The following GPC6 variants were observed in gnomAD, a reference collection of about 807,000 sequenced individuals.
GPC6 encodes the protein glypican 6.
In GPC6, 14 loss-of-function variants were observed where a neutral mutation model predicts 55.2. That is an observed-to-expected ratio of 0.25 (90% CI 0.17 to 0.40). The LOEUF (loss-of-function observed/expected upper bound fraction) is 0.40, where lower values mean the gene tolerates loss of function less well. Ranked by LOEUF, GPC6 falls within the 10% of genes least tolerant of loss-of-function variation. The probability of loss-of-function intolerance (pLI) is 1.00; values close to 1 mark genes in which losing one functional copy is unlikely to be tolerated. For synonymous variants in GPC6, 278 were observed against 259.6 expected (o/e 1.07, Z -0.68); for missense variants, 641 against 708.5 (o/e 0.90, Z 1.08).
chr13:94,294,626 T>C (rs2139096839), intron 5 of GPC6, among the ~76,000 whole-genome samples: 1 of 152,008 alleles, frequency 6.6e-6, no homozygotes, highest in South Asian at 2.1e-4. Flanking sequence ...TTTTCCAGCA[T>C]CCAGATCTTT....
At chr13:93,489,360 T>C (rs931212645) in intron 1 of GPC6, among the ~76,000 whole-genome samples, 9 of 151,478 alleles carry the variant, frequency 5.9e-5, no homozygotes, top group Non-Finnish European at 1.0e-4. Context: ...ACCATGCTGT[T>C]TTGGTTACTG....
intron 3 of GPC6, among the ~76,000 whole-genome samples, chr13:93,977,682 C>G (rs923595100): frequency 6.6e-6 from 1 of 152,080 alleles, no homozygotes; most frequent in African/African-American, 2.4e-5. Flanking sequence ...AAATTCATGG[C>G]TAGACATATG....
intron 3 of GPC6, among the ~76,000 whole-genome samples, chr13:93,898,174 A>G (rs1158942678): frequency 6.6e-6 from 1 of 152,126 alleles, no homozygotes; most frequent in African/African-American, 2.4e-5. Flanking sequence ...TGGTCATATT[A>G]ATGGTCCTAA....
intron 4 of GPC6, among the ~76,000 whole-genome samples, chr13:94,265,186 A>T (rs1439024149): frequency 1.3e-5 from 2 of 152,204 alleles, no homozygotes. Context: ...AAGGGAGTGT[A>T]TTAGGGTTCT....
chr13:94,389,560 T>C (rs1880555244), intron 7 of GPC6, among the ~76,000 whole-genome samples: 1 of 152,164 alleles, frequency 6.6e-6, no homozygotes, highest in Non-Finnish European at 1.5e-5. Flanking sequence ...AACATAGCCA[T>C]GTTAAACTGC....
chr13:94,121,997 G>A (rs906601669), intron 4 of GPC6, among the ~76,000 whole-genome samples: 23 of 151,974 alleles, frequency 1.5e-4, no homozygotes, highest in African/African-American at 5.3e-4. Flanking sequence ...AAGAGTCTTG[G>A]TGCTACCGTT....
chr13:94,329,794 C>G (rs1349459435), intron 6 of GPC6, among the ~76,000 whole-genome samples: 2 of 151,996 alleles, frequency 1.3e-5, no homozygotes, highest in African/African-American at 4.8e-5. Context: ...TCCTCCTCCT[C>G]TTCTCTTACC....
chr13:93,611,108 C>T (rs1375318601), intron 2 of GPC6, among the ~76,000 whole-genome samples: 1 of 152,030 alleles, frequency 6.6e-6, no homozygotes, highest in South Asian at 2.1e-4. Flanking sequence ...CACTTGCAAA[C>T]GAAGTGAACA....
intron 3 of GPC6, among the ~76,000 whole-genome samples, chr13:93,992,997 T>A (rs1270168352): frequency 1.7e-5 from 2 of 116,886 alleles, no homozygotes; most frequent in Non-Finnish European, 4.1e-5. Context: ...CACATCTGAT[T>A]TCTTTTTGAC....
intron 1 of GPC6, among the ~76,000 whole-genome samples, chr13:93,319,917 AG>A (rs1879376367): frequency 6.6e-6 from 1 of 152,152 alleles, no homozygotes; most frequent in Admixed American, 6.5e-5. Context: ...GGAAACTAGA[AG>A]TGAAAGAAAA....
intron 1 of GPC6, among the ~76,000 whole-genome samples, chr13:93,458,820 C>A (rs990055019): frequency 6.6e-6 from 1 of 151,914 alleles, no homozygotes; most frequent in Admixed American, 6.6e-5. Context: ...ATTTTATGTT[C>A]AAAAATATAT....
chr13:93,789,912 A>G (rs1384617117), intron 2 of GPC6, among the ~76,000 whole-genome samples: 1 of 151,992 alleles, frequency 6.6e-6, no homozygotes, highest in Non-Finnish European at 1.5e-5. Context: ...TTGTTTGCCC[A>G]CAGCATCAAA....
At chr13:93,340,124 T>C (rs9561319) in intron 1 of GPC6, among the ~76,000 whole-genome samples, 37,992 of 142,792 alleles carry the variant, frequency 0.27, 5,293 homozygotes, top group East Asian at 0.55. Flanking sequence ...CAAGCTCCGC[T>C]GCCAGGTTCA....
intron 2 of GPC6, among the ~76,000 whole-genome samples, chr13:93,653,888 A>G (rs907156863): frequency 6.6e-6 from 1 of 152,172 alleles, no homozygotes; most frequent in Non-Finnish European, 1.5e-5. Flanking sequence ...TGGATAGGCC[A>G]TTGTGAGACA....
At chr13:94,143,101 A>G (rs1887442705) in intron 4 of GPC6, among the ~76,000 whole-genome samples, 1 of 151,878 alleles carries the variant, frequency 6.6e-6, no homozygotes, top group South Asian at 2.1e-4. Context: ...CTGGGATTAC[A>G]GACGTGAGCC....
At chr13:94,329,446 G>A (rs1877297493) in intron 6 of GPC6, among the ~76,000 whole-genome samples, 1 of 152,194 alleles carries the variant, frequency 6.6e-6, no homozygotes, top group African/African-American at 2.4e-5. Context: ...TAGTCTGGGA[G>A]ATGTCCAATT....
chr13:94,360,715 C>T (rs183965930), intron 6 of GPC6, among the ~76,000 whole-genome samples: 8 of 152,280 alleles, frequency 5.3e-5, no homozygotes, highest in African/African-American at 1.7e-4. Flanking sequence ...TCCTCCTCCC[C>T]CCAAATATAT....
intron 4 of GPC6, among the ~76,000 whole-genome samples, chr13:94,074,255 C>T (rs1305202686): frequency 6.6e-6 from 1 of 152,078 alleles, no homozygotes; most frequent in Non-Finnish European, 1.5e-5. Context: ...AAAAAAAATA[C>T]TTTTCAAAAT....
intron 4 of GPC6, among the ~76,000 whole-genome samples, chr13:94,182,507 A>G (rs1889032884): frequency 6.6e-6 from 1 of 152,136 alleles, no homozygotes; most frequent in African/African-American, 2.4e-5. Context: ...TTGCACCATG[A>G]TGTGTTTTCT....
Sources: gnomAD v4.1 joint callset for allele counts (sites outside exome capture counted in the v4.1 genomes callset) on GRCh38, gnomAD v4.1.1 for gene constraint, MANE v1.5 for transcripts, NCBI Gene and HGNC (gene_info 2026-07-23, HGNC 2026-07-21) for gene names.